The following NLGN4X variants were observed in gnomAD, a reference collection of about 807,000 sequenced individuals.
The protein encoded by NLGN4X is neuroligin 4 X-linked.
Under a neutral mutation model 40.3 loss-of-function variants are expected in NLGN4X, and 3 were observed. The observed-to-expected ratio is 0.07, with a 90% CI of 0.03 to 0.19. The LOEUF is 0.19. Among genes scored for constraint, NLGN4X ranks in the 10% least tolerant of loss-of-function variants. The probability of loss-of-function intolerance (pLI) is 1.00; values close to 1 mark genes in which losing one functional copy is unlikely to be tolerated. For synonymous variants in NLGN4X, 270 were observed against 306.8 expected (o/e 0.88, Z 1.25); for missense variants, 382 against 708.3 (o/e 0.54, Z 5.23).
In NLGN4X at chrX:6,214,260, G is replaced by A. The variant is rs188541626; in HGVS notation, c.-306+14281C>T. Among the ~76,000 whole-genome samples the A allele has an allele frequency of 8.1e-3, 899 of 111,350 alleles. 2 individuals carry two copies. The highest frequency in any genetic ancestry group is 0.013 in the Non-Finnish European group (670 of 53,120). On this transcript the variant is annotated intron_variant, in intron 1 of 5. Coordinates refer to ENST00000381095, the MANE Select transcript of NLGN4X (RefSeq NM_181332.3). ...CTTATTCTGCCCTTCGTTTGCCCTT[G>A]AACCAGCCCTCTGAGAAAGACTAAT...
intron 3 of NLGN4X, among the ~76,000 whole-genome samples, chrX:6,016,585 G>A (rs1484795138): frequency 9.0e-6 from 1 of 111,511 alleles, no homozygotes; most frequent in African/African-American, 3.3e-5. Flanking sequence ...TAAACACAGA[G>A]TTCATGATAT....
chrX:6,086,087 G>C (rs1355077382), intron 2 of NLGN4X, among the ~76,000 whole-genome samples: 1 of 111,922 alleles, frequency 8.9e-6, no homozygotes, highest in Non-Finnish European at 1.9e-5. Flanking sequence ...TTTGGATGTA[G>C]GTTATGATTG....
chrX:6,138,148 A>G (rs1396952698), intron 2 of NLGN4X, among the ~76,000 whole-genome samples: 1 of 112,285 alleles, frequency 8.9e-6, no homozygotes, highest in African/African-American at 3.2e-5. Flanking sequence ...TCTAAGGCAT[A>G]TTATAAAATA....
chrX:6,119,502 A>G (rs1287672519), intron 2 of NLGN4X, among the ~76,000 whole-genome samples: 2 of 111,788 alleles, frequency 1.8e-5, no homozygotes, highest in African/African-American at 3.3e-5. Context: ...GAAAGTAACA[A>G]TGATCATAAG....
At chrX:6,111,099 T>C (rs185319311) in intron 2 of NLGN4X, among the ~76,000 whole-genome samples, 397 of 112,065 alleles carry the variant, frequency 3.5e-3, no homozygotes, top group Non-Finnish European at 4.8e-3. Flanking sequence ...TAGGATAGCA[T>C]TGGTTTCCTT....
At chrX:6,176,046 G>A (rs2040727837) in intron 1 of NLGN4X, among the ~76,000 whole-genome samples, 1 of 111,549 alleles carries the variant, frequency 9.0e-6, no homozygotes, top group African/African-American at 3.3e-5. Context: ...AGCGAGCGGG[G>A]TCAACAAAGA....
intron 2 of NLGN4X, among the ~76,000 whole-genome samples, chrX:6,107,442 G>A (rs907878905): frequency 1.1e-4 from 12 of 111,577 alleles, no homozygotes; most frequent in East Asian, 2.8e-4. Context: ...CATTTTCACC[G>A]GGTAAAGGTG....
intron 3 of NLGN4X, among the ~76,000 whole-genome samples, chrX:5,949,996 C>T (rs536562696): frequency 1.2e-4 from 13 of 111,709 alleles, no homozygotes; most frequent in African/African-American, 4.2e-4. Context: ...GAGGGAAAAA[C>T]GGCTTAGCAA....
chrX:5,908,770 T>C (rs984477981), intron 4 of NLGN4X, among the ~76,000 whole-genome samples: 1 of 111,582 alleles, frequency 9.0e-6, no homozygotes, highest in African/African-American at 3.3e-5. Context: ...AAGCAGCCAG[T>C]AGTCCCAGGT....
At chrX:6,065,103 G>A (rs2037876272) in intron 2 of NLGN4X, among the ~76,000 whole-genome samples, 1 of 110,018 alleles carries the variant, frequency 9.1e-6, no homozygotes, top group South Asian at 4.0e-4. Context: ...TAAACACAAG[G>A]GTCTACTTCA....
chrX:6,192,258 G>T (rs1922609529), intron 1 of NLGN4X, among the ~76,000 whole-genome samples: 1 of 111,007 alleles, frequency 9.0e-6, no homozygotes, highest in South Asian at 3.8e-4. Context: ...CTCCCAAGTA[G>T]CTGGGACTAC....
At chrX:6,155,039 C>G (rs2040235168) in intron 1 of NLGN4X, among the ~76,000 whole-genome samples, 1 of 111,856 alleles carries the variant, frequency 8.9e-6, no homozygotes, top group Admixed American at 9.6e-5. Context: ...ATTTTGGTAT[C>G]TGGACCTTAA....
chrX:6,118,455 C>T (rs1201787011), intron 2 of NLGN4X, among the ~76,000 whole-genome samples: 4 of 111,684 alleles, frequency 3.6e-5, no homozygotes, highest in African/African-American at 9.8e-5. Context: ...CTTCCAGTTA[C>T]GGCGGCCAAA....
chrX:6,159,765 C>G, intron 1 of NLGN4X, among the ~76,000 whole-genome samples: 1 of 112,019 alleles, frequency 8.9e-6, no homozygotes, highest in Middle Eastern at 4.6e-3. Flanking sequence ...GCTCTGACAT[C>G]TCAGACTATT....
At chrX:6,131,052 G>T (rs775797436) in intron 2 of NLGN4X, among the ~76,000 whole-genome samples, 1 of 111,074 alleles carries the variant, frequency 9.0e-6, no homozygotes, top group African/African-American at 3.3e-5. Context: ...ATGAAAAGAC[G>T]ATCTTTTATT....
At chrX:6,070,878 TCAC>T (rs1261961337) in intron 2 of NLGN4X, among the ~76,000 whole-genome samples, 1 of 111,544 alleles carries the variant, frequency 9.0e-6, no homozygotes, top group Non-Finnish European at 1.9e-5. Context: ...GAGAACTCAC[TCAC>T]TATCATTAGA....
chrX:5,921,148 C>CATATATATAT (rs60922455), intron 3 of NLGN4X, among the ~76,000 whole-genome samples: 87 of 91,033 alleles, frequency 9.6e-4, no homozygotes, highest in African/African-American at 2.8e-3. Context: ...TATATATATA[C>CATATATATAT]ATATATATAT....
At chrX:6,075,991 G>A (rs987865670) in intron 2 of NLGN4X, among the ~76,000 whole-genome samples, 32 of 111,865 alleles carry the variant, frequency 2.9e-4, no homozygotes, top group Admixed American at 2.5e-3. Flanking sequence ...AATATGGGGA[G>A]GAGAGGTAAG....
intron 3 of NLGN4X, among the ~76,000 whole-genome samples, chrX:6,018,283 A>G (rs903451607): frequency 2.7e-5 from 3 of 111,679 alleles, no homozygotes; most frequent in African/African-American, 9.8e-5. Context: ...TCTAAGACCA[A>G]CTGGGACATC....
Sources: allele counts gnomAD v4.1 joint callset (sites outside exome capture counted in the v4.1 genomes callset), GRCh38; gene constraint gnomAD v4.1.1; transcripts MANE v1.5; gene names NCBI Gene and HGNC (gene_info 2026-07-23, HGNC 2026-07-21).